Variants in CRYBG1 observed in about 807,000 individuals in gnomAD.
The protein encoded by CRYBG1 is crystallin beta-gamma domain containing 1, also known as beta/gamma crystallin domain-containing protein 1.
In CRYBG1, 139 loss-of-function variants were observed where a neutral mutation model predicts 189.2. The observed-to-expected ratio is 0.73, with a 90% CI of 0.64 to 0.85. The LOEUF (loss-of-function observed/expected upper bound fraction) is 0.85. Among genes scored for constraint, CRYBG1 ranks in the 40% least tolerant of loss-of-function variants. CRYBG1 has a pLI of 0.00. For missense variants in CRYBG1, 2,611 were observed against 2,675.8 expected (o/e 0.98, Z 0.53); for synonymous variants, 1,023 against 1,017.1 (o/e 1.01, Z -0.11).
intron 1 of CRYBG1, among the ~76,000 whole-genome samples, chr6:106,441,095 C>G (rs1047809220): frequency 6.6e-6 from 1 of 151,950 alleles, no homozygotes; most frequent in South Asian, 2.1e-4. Context: ...AATTTGATAG[C>G]CAAAGATTAC....
In CRYBG1 at chr6:106,500,618, C is replaced by T. The variant is rs536821454; in HGVS notation, c.313-10812C>T. 5.9e-5 allele frequency among the ~76,000 whole-genome samples: 9 copies of T among 152,248 alleles called. No homozygotes were observed. The South Asian group carries it at 1.9e-3, about 32-fold the overall frequency. On this transcript the variant is annotated intron_variant, in intron 2 of 21. Coordinates refer to ENST00000633556, the MANE Select transcript of CRYBG1 (RefSeq NM_001371242.2). ...TATTTTCTCCCAATCTATAGATTTT[C>T]TCTTTACTCTTTTGTTTCCCTTCCT...
rs1773597138 is a variant in CRYBG1 at position 106,521,121 on chromosome 6, C to T, written c.3913C>T (p.Pro1305Ser). 1.2e-6 allele frequency: 2 copies of T among 1,614,030 alleles called. No homozygotes were observed. The highest frequency in any genetic ancestry group is 2.2e-5 in the South Asian group (2 of 91,086). Residue 1305 changes from proline (P) to serine (S), a missense_variant, in exon 4 of 22, where the codon CCC (proline) becomes TCC (serine). Physicochemically the swap from Pro to Ser is moderately conservative, Grantham distance 74. Transcript: ENST00000633556. ...GLNKEQSNLLPDNSLKVFNFN... is the reference protein window; with the variant it reads ...GLNKEQSNLLSDNSLKVFNFN... Reference sequence around the variant, plus strand: ...GAACAAAGAACAGTCAAATCTTCTGCCCGACAACTCCTTAAAGGTCTTCAA... The same window carrying T: ...GAACAAAGAACAGTCAAATCTTCTGTCCGACAACTCCTTAAAGGTCTTCAA...
At position 106,544,555 on chromosome 6, in the gene CRYBG1, GT is replaced by G; in HGVS notation, c.5040-14del. On this transcript the variant is annotated splice_polypyrimidine_tract_variant and intron_variant, in intron 11 of 21. Coordinates refer to ENST00000633556, the MANE Select transcript of CRYBG1 (RefSeq NM_001371242.2). ...ATGTCTGGAAATGACTACTCCTCGT[GT>G]TCTTTATGTTGCAGTTGGGTTGCAT... 6.2e-7 allele frequency: 1 copy of G among 1,611,222 alleles called. No homozygotes were observed. The highest frequency in any genetic ancestry group is 8.5e-7 in the Non-Finnish European group (1 of 1,178,992).
At chr6:106,385,388 C>T (rs1770364656) in intron 1 of CRYBG1, among the ~76,000 whole-genome samples, 1 of 152,200 alleles carries the variant, frequency 6.6e-6, no homozygotes, top group African/African-American at 2.4e-5. Flanking sequence ...TACTGGATAA[C>T]ACAGTGCATA....
At chr6:106,545,782 G>C (rs1252959127) in intron 13 of CRYBG1, among the ~76,000 whole-genome samples, 1 of 152,128 alleles carries the variant, frequency 6.6e-6, no homozygotes, top group Admixed American at 6.5e-5. Flanking sequence ...GGGCTTAAGC[G>C]ATCCTCCTGC....
rs1383688034 is a variant in CRYBG1 at position 106,571,225 on chromosome 6, T to C, written c.*2659T>C. 6.6e-6 allele frequency: 1 copy of C among 152,228 alleles called. No homozygotes were observed. The highest frequency in any genetic ancestry group is 6.5e-5 in the Admixed American group (1 of 15,284). The allele number at this position is 152,228 out of a possible 1,614,324, so 9.4% of individuals were successfully genotyped here. On this transcript the variant is annotated 3_prime_UTR_variant, in exon 22 of 22. Coordinates refer to ENST00000633556, the MANE Select transcript of CRYBG1 (RefSeq NM_001371242.2). ...AAATGAATCACCAGGCAGATTTTTA[T>C]ATATGACACTAAGAGATTTAGAACT...
chr6:106,397,041 C>G (rs774243678), intron 1 of CRYBG1, among the ~76,000 whole-genome samples: 4 of 152,220 alleles, frequency 2.6e-5, no homozygotes. Flanking sequence ...ACTAAAGTTG[C>G]TGTGACAATT....
rs916121594 is a variant in CRYBG1, at chr6:106,388,543, A to T, written c.173+27462A>T. Among the ~76,000 whole-genome samples, 5 of 152,182 alleles carry T rather than the reference A, an allele frequency of 3.3e-5. No individual in the cohort carries two copies. The East Asian group carries it at 9.6e-4, about 29-fold the overall frequency. ...AATAATATTTTGAATATGTAATTTT[A>T]TGTGTGTTAAAAAGTTTCATTTTAA... On this transcript the variant is annotated intron_variant, in intron 1 of 21. Transcript: ENST00000633556.
chr6:106,402,270 C>T lies in CRYBG1; in HGVS notation c.173+41189C>T, dbSNP rs562215687. The stretch of plus-strand genomic sequence containing the variant: ...GCCATCCCCATCAAGCTACCAATGA[C>T]TTTCTTCACAGAATTGGAAAAAACT... On this transcript the variant is annotated intron_variant, in intron 1 of 21. Coordinates refer to ENST00000633556, the MANE Select transcript of CRYBG1 (RefSeq NM_001371242.2). Among the ~76,000 whole-genome samples, 268 of 98,698 alleles carry T rather than the reference C, an allele frequency of 2.7e-3. 4 individuals are homozygous for T. The highest frequency in any genetic ancestry group is 0.011 in the African/African-American group (253 of 23,728). 64.7% of individuals were successfully genotyped at this position (98,698 alleles called of 152,430 possible). A position where few individuals can be genotyped will look rare whatever the true frequency, so the allele number is the denominator to read the frequency against.
chr6:106,376,495 A>G (rs547563079), intron 1 of CRYBG1, among the ~76,000 whole-genome samples: 4 of 152,242 alleles, frequency 2.6e-5, no homozygotes, highest in African/African-American at 9.6e-5. Flanking sequence ...GCTTTGGAGG[A>G]GAGGGCAGGA....
chr6:106,422,321 G>GTTATTTATTTATTTATTTAT (rs10526546), intron 1 of CRYBG1, among the ~76,000 whole-genome samples: 6,912 of 142,424 alleles, frequency 0.049, 619 homozygotes, highest in African/African-American at 0.17. Context: ...ATAGGGTTTT[G>GTTATTTATTTATTTATTTAT]TTATTTATTT....
chr6:106,555,800 G>A lies in CRYBG1; in HGVS notation c.5618G>A (p.Gly1873Asp), dbSNP rs759896395. The change falls in exon 17 of 22, where the codon GGT (glycine) becomes GAT (aspartate). Residue 1873 changes from glycine (G) to aspartate (D), a missense_variant. Physicochemically the swap from Gly to Asp is moderately conservative, Grantham distance 94. Around this residue, in one of 3 missense-constraint regions of CRYBG1, gnomAD observed 1,622 missense variants for 1,735.0 expected, o/e 0.93. Coordinates refer to ENST00000633556, the MANE Select transcript of CRYBG1 (RefSeq NM_001371242.2). ...GTATATGATGGAGAAAATTTCACTG[G>A]TAATCAATACGTGTTGGAAGAAGGC... ...WVVYDGENFT[G>D]NQYVLEEGHY... is the part of the protein sequence containing the mutation. 3 of 1,614,110 alleles carry A rather than the reference G, an allele frequency of 1.9e-6. No individual in the cohort carries two copies. The highest frequency in any genetic ancestry group is 1.7e-6 in the Non-Finnish European group (2 of 1,180,020).
chr6:106,488,664 G>A (rs1039129911), intron 2 of CRYBG1, among the ~76,000 whole-genome samples: 6 of 152,180 alleles, frequency 3.9e-5, no homozygotes, highest in African/African-American at 1.2e-4. Flanking sequence ...GGGGGTGGGT[G>A]CCTGTGGGCC....
chr6:106,378,706 T>G (rs898289108), intron 1 of CRYBG1, among the ~76,000 whole-genome samples: 16 of 152,362 alleles, frequency 1.1e-4, no homozygotes, highest in African/African-American at 3.8e-4. Flanking sequence ...CTAATGCCTC[T>G]TCCACTGTAG....
intron 1 of CRYBG1, among the ~76,000 whole-genome samples, chr6:106,446,617 A>G (rs1244091109): frequency 6.6e-6 from 1 of 152,238 alleles, no homozygotes; most frequent in Non-Finnish European, 1.5e-5. Flanking sequence ...TAGGCTACAC[A>G]TATTTAAATG....
At chr6:106,365,123 A>G (rs1451028823) in intron 1 of CRYBG1, among the ~76,000 whole-genome samples, 1 of 152,162 alleles carries the variant, frequency 6.6e-6, no homozygotes, top group Non-Finnish European at 1.5e-5. Flanking sequence ...TATTAAAAAT[A>G]GTAAAAATAT....
intron 8 of CRYBG1, 74 bp from the exon 9 acceptor site, chr6:106,539,329 G>T (rs992322554): frequency 1.3e-5 from 20 of 1,557,054 alleles, no homozygotes; most frequent in Non-Finnish European, 1.7e-5. Context: ...CTCATCCTGG[G>T]TACCAGACAG....
Position 106,497,556 on chromosome 6 carries a change from C to T in CRYBG1, c.313-13874C>T, listed in dbSNP as rs1263370143. On this transcript the variant is annotated intron_variant, in intron 2 of 21. Coordinates refer to ENST00000633556, the MANE Select transcript of CRYBG1 (RefSeq NM_001371242.2). ...CCTTGTTCATCCCTGTTCATGTTTA[C>T]GTGTGTGTGCACACATGTGTGCGTG... Among the ~76,000 whole-genome samples, 6 of 152,278 alleles carry T rather than the reference C, an allele frequency of 3.9e-5. No individual in the cohort carries two copies. In the East Asian group the frequency reaches 5.8e-4, roughly 15 times the overall value.
chr6:106,363,927 A>G (rs1487122794), intron 1 of CRYBG1, among the ~76,000 whole-genome samples: 2 of 152,094 alleles, frequency 1.3e-5, no homozygotes, highest in African/African-American at 2.4e-5. Context: ...CCTGGTCATC[A>G]TCATCATCAT....
Sources: allele counts gnomAD v4.1 joint callset (sites outside exome capture counted in the v4.1 genomes callset), GRCh38; gene constraint gnomAD v4.1.1; regional missense constraint gnomAD v4.1.1; transcripts MANE v1.5; gene names NCBI Gene and HGNC (gene_info 2026-07-23, HGNC 2026-07-21).